Variants in CCDC171 observed in about 807,000 individuals in gnomAD.
CCDC171 encodes the protein coiled-coil domain-containing protein 171.
In CCDC171, 177 loss-of-function variants were observed where a neutral mutation model predicts 168.2. The observed-to-expected ratio is 1.05, with a 90% confidence interval of 0.93 to 1.19. The LOEUF (loss-of-function observed/expected upper bound fraction) is 1.19, where lower values mean the gene tolerates loss of function less well. Among genes scored for constraint, CCDC171 ranks in the 50% most tolerant of loss-of-function variants. CCDC171 has a pLI of 0.00. For synonymous variants in CCDC171, 687 were observed against 540.8 expected (o/e 1.27, Z -3.75); for missense variants, 1,991 against 1,539.0 (o/e 1.29, Z -4.91).
At chr9:16,050,650 G>A (rs1833736998) in intron 1 of CCDC171, among the ~76,000 whole-genome samples, 1 of 152,194 alleles carries the variant, frequency 6.6e-6, no homozygotes, top group Admixed American at 6.5e-5. Context: ...CACCACAAAA[G>A]TGCATTATCA....
At chr9:15,678,380 T>C (rs1420707191) in intron 9 of CCDC171, among the ~76,000 whole-genome samples, 1 of 152,170 alleles carries the variant, frequency 6.6e-6, no homozygotes, top group East Asian at 1.9e-4. Context: ...CCATTTCTAA[T>C]GTTGTATTTT....
In CCDC171 at chr9:15,744,863, T is replaced by G. The variant is rs112221376; in HGVS notation, c.2554+86T>G. On this transcript the variant is annotated intron_variant, in intron 17 of 25. Coordinates refer to ENST00000380701, the MANE Select transcript of CCDC171 (RefSeq NM_173550.4). ...TACCTGGCTATTATGGAAAAACTCT[T>G]AAAAAATCATGTAATATGCCAAATA... 2,366 of 1,284,622 alleles carry G rather than the reference T, an allele frequency of 1.8e-3. 33 individuals carry two copies. In the African/African-American group the frequency reaches 0.032, roughly 18 times the overall value. 79.6% of individuals were successfully genotyped at this position (1,284,622 alleles called of 1,614,324 possible). A position where few individuals can be genotyped will look rare whatever the true frequency, so the allele number is the denominator to read the frequency against.
rs1161286304 is a variant in CCDC171 at position 15,602,647 on chromosome 9, C to CTTTTTTTT, written c.675+8494_675+8501dup. On this transcript the variant is annotated intron_variant, in intron 6 of 25. Transcript: ENST00000380701. Reference sequence around the variant, plus strand: ...TTTCTCATTTCTTTTTTTTTTTTTTCTTTTTTTTTTTTTTTTTTTTTTTTT... The same window carrying CTTTTTTTT: ...TTTCTCATTTCTTTTTTTTTTTTTTCTTTTTTTTTTTTTTTTTTTTTTTTTTTTTTTTT... 2.8e-3 allele frequency among the ~76,000 whole-genome samples: 84 copies of CTTTTTTTT among 30,432 alleles called. 2 individuals are homozygous for CTTTTTTTT. The highest frequency in any genetic ancestry group is 3.6e-3 in the Non-Finnish European group (61 of 16,908). The allele number at this position is 30,432 out of a possible 152,430, so 20.0% of individuals were successfully genotyped here. A position where few individuals can be genotyped will look rare whatever the true frequency, so the allele number is the denominator to read the frequency against.
Position 15,973,108 on chromosome 9 carries a change from A to T in CCDC171, c.*1272A>T, listed in dbSNP as rs1831496052. The T allele has an allele frequency of 6.6e-6, 1 of 152,224 alleles. No individual in the cohort carries two copies. The highest frequency in any genetic ancestry group is 1.5e-5 in the Non-Finnish European group (1 of 68,030). 9.4% of individuals were successfully genotyped at this position (152,224 alleles called of 1,614,324 possible). A position where few individuals can be genotyped will look rare whatever the true frequency, so the allele number is the denominator to read the frequency against. ...TAAAGGTTAAATCCTTGCAGTTTGCATCATGGTAAGTGAAGAACAAAAGAA... is the reference window on the plus strand; with the variant it reads ...TAAAGGTTAAATCCTTGCAGTTTGCTTCATGGTAAGTGAAGAACAAAAGAA... On this transcript the variant is annotated 3_prime_UTR_variant, in exon 26 of 26. Coordinates refer to ENST00000380701, the MANE Select transcript of CCDC171 (RefSeq NM_173550.4).
intron 9 of CCDC171, among the ~76,000 whole-genome samples, chr9:15,677,062 A>G (rs986917116): frequency 3.3e-5 from 5 of 152,016 alleles, no homozygotes; most frequent in Non-Finnish European, 5.9e-5. Flanking sequence ...TTTTTCTTTC[A>G]TTTTGCTAGG....
At chr9:15,899,202 G>A (rs1821312079) in intron 24 of CCDC171, among the ~76,000 whole-genome samples, 4 of 151,816 alleles carry the variant, frequency 2.6e-5, no homozygotes, top group African/African-American at 4.9e-5. Flanking sequence ...TTGTTTTCGT[G>A]GTATGGATGT....
intron 20 of CCDC171, among the ~76,000 whole-genome samples, chr9:15,779,415 A>G (rs920337480): frequency 2.6e-5 from 4 of 151,928 alleles, no homozygotes; most frequent in Non-Finnish European, 5.9e-5. Flanking sequence ...GCTGGAGTGC[A>G]GTGGCACTAT....
chr9:15,877,977 A>G (rs907503039), intron 24 of CCDC171, among the ~76,000 whole-genome samples: 3 of 152,192 alleles, frequency 2.0e-5, no homozygotes, highest in Non-Finnish European at 2.9e-5. Flanking sequence ...ACAAAAATCA[A>G]TCCAAGATGG....
chr9:15,902,290 A>G (rs1013462986), intron 24 of CCDC171, among the ~76,000 whole-genome samples: 1 of 151,030 alleles, frequency 6.6e-6, no homozygotes, highest in Admixed American at 6.6e-5. Flanking sequence ...ATACACACAC[A>G]CACACACATA....
chr9:15,623,465 G>GCGCGCTCGCGCGCGCGCA, intron 7 of CCDC171, 52 bp downstream of exon 7: 1 of 552,340 alleles, frequency 1.8e-6, no homozygotes, highest in Non-Finnish European at 2.7e-6. Flanking sequence ...TTTCACATAT[G>GCGCGCTCGCGCGCGCGCA]CGCGCGCGCG....
chr9:15,598,186 T>G (rs13299710), intron 6 of CCDC171, among the ~76,000 whole-genome samples: 1 of 152,022 alleles, frequency 6.6e-6, no homozygotes, highest in African/African-American at 2.4e-5. Context: ...CTTGCCTTCT[T>G]CTAGCTTTTG....
Position 15,972,065 on chromosome 9 carries a change from CAT to C in CCDC171, c.*232_*233del, listed in dbSNP as rs986128541. 2.2e-5 allele frequency: 11 copies of C among 496,398 alleles called. No individual in the cohort carries two copies. Among genetic ancestry groups the C allele is most frequent in the African/African-American group, 2.2e-4 (11 of 51,124 alleles). The allele number at this position is 496,398 out of a possible 1,614,324, so 30.7% of individuals were successfully genotyped here. A position where few individuals can be genotyped will look rare whatever the true frequency, so the allele number is the denominator to read the frequency against. ...ATCACAGTTGCTCATTTTTATGTAA[CAT>C]ATTTTTAAATGTTAAGGAATGACAC... On this transcript the variant is annotated 3_prime_UTR_variant, in exon 26 of 26. Coordinates refer to ENST00000380701, the MANE Select transcript of CCDC171 (RefSeq NM_173550.4).
chr9:15,700,131 C>T (rs537252221), intron 11 of CCDC171, among the ~76,000 whole-genome samples: 1 of 152,264 alleles, frequency 6.6e-6, no homozygotes, highest in East Asian at 1.9e-4. Flanking sequence ...GCACAGGAGC[C>T]CATGGAGGGG....
At chr9:15,944,111 A>G (rs1397797368) in intron 25 of CCDC171, among the ~76,000 whole-genome samples, 6 of 152,014 alleles carry the variant, frequency 3.9e-5, no homozygotes, top group African/African-American at 1.4e-4. Context: ...ATATACCCAT[A>G]TACATACCCT....
chr9:15,835,580 A>G lies in CCDC171; in HGVS notation c.3268-11122A>G, dbSNP rs958058537. ...GTAGCTGGGATTACAGGTGTGCGCT[A>G]CCACACCTGGCTAATTTTGTATTTT... On this transcript the variant is annotated intron_variant, in intron 21 of 25. Coordinates refer to ENST00000380701, the MANE Select transcript of CCDC171 (RefSeq NM_173550.4). Among the ~76,000 whole-genome samples the G allele has an allele frequency of 1.1e-4, 17 of 152,130 alleles. No homozygotes were observed. In the South Asian group the frequency reaches 1.5e-3, roughly 13 times the overall value.
At position 15,655,020 on chromosome 9, in the gene CCDC171, C is replaced by T. The variant is rs553796317; in HGVS notation, c.823-2107C>T. ...ACACAGGAAGGGGAACATCACACAC[C>T]GGAGCCTGTTGTGGGGTCGGGGGAG... On this transcript the variant is annotated intron_variant, in intron 7 of 25. Coordinates refer to ENST00000380701, the MANE Select transcript of CCDC171 (RefSeq NM_173550.4). Among the ~76,000 whole-genome samples the T allele has an allele frequency of 2.6e-5, 4 of 152,000 alleles. No homozygotes were observed. In the East Asian group the frequency reaches 7.7e-4, roughly 29 times the overall value.
chr9:16,005,563 G>T (rs1410796374), intron 3 of CCDC171, among the ~76,000 whole-genome samples: 4 of 152,120 alleles, frequency 2.6e-5, no homozygotes, highest in African/African-American at 9.7e-5. Flanking sequence ...ATGGATCACA[G>T]ATTGAAGATA....
At chr9:15,841,146 T>A (rs2060663896) in intron 21 of CCDC171, among the ~76,000 whole-genome samples, 1 of 152,108 alleles carries the variant, frequency 6.6e-6, no homozygotes, top group South Asian at 2.1e-4. Flanking sequence ...CATTTGTTGT[T>A]AATCATCTGT....
At chr9:15,848,774 TAAAAGG>T (rs1296577906) in intron 22 of CCDC171, 113 bp from the exon 23 acceptor site, 1 of 489,894 alleles carries the variant, frequency 2.0e-6, no homozygotes, top group Non-Finnish European at 3.6e-6. Context: ...ATTAAAAAAA[TAAAAGG>T]AGAACAGTGA....
Sources: allele counts gnomAD v4.1 joint callset (sites outside exome capture counted in the v4.1 genomes callset), GRCh38; gene constraint gnomAD v4.1.1; transcripts MANE v1.5; gene names NCBI Gene and HGNC (gene_info 2026-07-23, HGNC 2026-07-21).